CAMK4: variants seen among roughly 807,000 people sequenced by gnomAD.
CAMK4 encodes calcium/calmodulin dependent protein kinase IV, also known as calcium/calmodulin-dependent protein kinase type IV.
CAMK4 carries 22 observed loss-of-function variants against 44.9 expected under a neutral mutation model. The ratio of observed to expected loss-of-function variants is 0.49; its 90% CI spans 0.35 to 0.70. The LOEUF is 0.70. Ranked by LOEUF, CAMK4 falls within the 30% of genes least tolerant of loss-of-function variation. CAMK4 has a pLI of 0.01. For missense variants in CAMK4, 498 were observed against 586.8 expected (o/e 0.85, Z 1.56); for synonymous variants, 218 against 215.4 (o/e 1.01, Z -0.11).
At chr5:111,333,646 G>A (rs757376511) in intron 1 of CAMK4, among the ~76,000 whole-genome samples, 11 of 151,560 alleles carry the variant, frequency 7.3e-5, no homozygotes, top group Non-Finnish European at 1.5e-4. Context: ...CCATATTTAA[G>A]CCAATGCTTA....
chr5:111,450,162 AAAAT>A (rs1754176174), intron 7 of CAMK4, among the ~76,000 whole-genome samples: 1 of 151,860 alleles, frequency 6.6e-6, no homozygotes, highest in Non-Finnish European at 1.5e-5. Context: ...CTACTAAAAA[AAAAT>A]AAATAAAATA....
chr5:111,325,226 A>G (rs941557493), intron 1 of CAMK4, among the ~76,000 whole-genome samples: 10 of 151,772 alleles, frequency 6.6e-5, no homozygotes, highest in Admixed American at 6.6e-5. Flanking sequence ...ATATATATTT[A>G]TATATATGCC....
At chr5:111,318,070 C>T (rs1190474179) in intron 1 of CAMK4, among the ~76,000 whole-genome samples, 1 of 147,700 alleles carries the variant, frequency 6.8e-6, no homozygotes, top group Admixed American at 6.8e-5. Flanking sequence ...CTTTATACCT[C>T]AGCTTTTCAT....
At chr5:111,273,456 T>G (rs1414702096) in intron 1 of CAMK4, among the ~76,000 whole-genome samples, 2 of 151,560 alleles carry the variant, frequency 1.3e-5, no homozygotes, top group African/African-American at 2.4e-5. Context: ...ATACCCAGTC[T>G]TTTATGTATA....
intron 2 of CAMK4, among the ~76,000 whole-genome samples, chr5:111,353,792 G>A (rs914718731): frequency 1.3e-5 from 2 of 152,078 alleles, no homozygotes; most frequent in Non-Finnish European, 2.9e-5. Context: ...TAAATTTAAG[G>A]AGGTGAAAGA....
At chr5:111,273,996 T>C (rs1468935069) in intron 1 of CAMK4, among the ~76,000 whole-genome samples, 2 of 152,026 alleles carry the variant, frequency 1.3e-5, no homozygotes, top group Non-Finnish European at 2.9e-5. Flanking sequence ...AAATTCTTAC[T>C]TGATGGCATC....
intron 1 of CAMK4, among the ~76,000 whole-genome samples, chr5:111,270,650 C>T (rs2112580950): frequency 6.6e-6 from 1 of 152,298 alleles, no homozygotes; most frequent in South Asian, 2.1e-4. Context: ...TCTTAAATTC[C>T]ATGAACCACA....
chr5:111,364,252 T>G (rs1457554494), intron 2 of CAMK4, among the ~76,000 whole-genome samples: 8 of 152,034 alleles, frequency 5.3e-5, no homozygotes, highest in Non-Finnish European at 1.0e-4. Flanking sequence ...GAGATACAGA[T>G]AAAAGAAGCA....
At chr5:111,404,709 A>C (rs1193552169) in intron 5 of CAMK4, among the ~76,000 whole-genome samples, 1 of 152,116 alleles carries the variant, frequency 6.6e-6, no homozygotes, top group Non-Finnish European at 1.5e-5. Flanking sequence ...AAAAGGGAGG[A>C]AGTATAATGA....
Position 111,478,384 on chromosome 5 carries a change from T to A in CAMK4, c.705T>A (p.Leu235=). The part of the protein sequence containing the change: ...WSVGIITYIL[L]CGFEPFYDER... The stretch of plus-strand genomic sequence containing the variant: ...TCTCTATATTTTATTCCTCTAGACT[T>A]TGTGGATTTGAACCATTCTATGATG... The change falls in exon 9 of 11, where the codon CTT becomes CTA. Residue 235 remains leucine (L), a synonymous_variant. Transcript: ENST00000282356. The A allele has an allele frequency of 1.9e-6, 3 of 1,558,622 alleles. No individual in the cohort carries two copies. The highest frequency in any genetic ancestry group is 2.6e-6 in the Non-Finnish European group (3 of 1,138,092).
intron 1 of CAMK4, among the ~76,000 whole-genome samples, chr5:111,287,246 G>C (rs1751274324): frequency 6.6e-6 from 1 of 152,182 alleles, no homozygotes; most frequent in Admixed American, 6.5e-5. Flanking sequence ...TACTGCTTAA[G>C]AGTGTACAGC....
chr5:111,243,048 C>A (rs536338895), intron 1 of CAMK4, among the ~76,000 whole-genome samples: 1 of 152,232 alleles, frequency 6.6e-6, no homozygotes, highest in Admixed American at 6.5e-5. Context: ...TTCCCATGTA[C>A]CTCCACAGTT....
intron 5 of CAMK4, among the ~76,000 whole-genome samples, chr5:111,431,330 C>G (rs1332331394): frequency 2.0e-5 from 3 of 152,146 alleles, no homozygotes; most frequent in Admixed American, 6.5e-5. Flanking sequence ...GAAACTAGAC[C>G]CCTATGTCTT....
intron 1 of CAMK4, among the ~76,000 whole-genome samples, chr5:111,328,972 T>A (rs1650785): frequency 0.42 from 63,540 of 151,540 alleles, 13,851 homozygotes; most frequent in South Asian, 0.56. Flanking sequence ...CGATGCAAAA[T>A]TCCTCAATAA....
At chr5:111,383,928 CTT>C (rs1283041484) in intron 4 of CAMK4, among the ~76,000 whole-genome samples, 1 of 152,068 alleles carries the variant, frequency 6.6e-6, no homozygotes, top group Non-Finnish European at 1.5e-5. Flanking sequence ...GACTCTATGA[CTT>C]TATAAGGAAT....
chr5:111,362,958 C>T (rs1750651918), intron 2 of CAMK4, among the ~76,000 whole-genome samples: 1 of 152,064 alleles, frequency 6.6e-6, no homozygotes, highest in African/African-American at 2.4e-5. Flanking sequence ...CTTTTAATCA[C>T]TCTGGTTGTG....
intron 7 of CAMK4, among the ~76,000 whole-genome samples, chr5:111,467,344 CTTAA>C (rs1210316360): frequency 2.3e-5 from 2 of 88,788 alleles, no homozygotes; most frequent in Non-Finnish European, 4.3e-5. Flanking sequence ...AATAGATGGA[CTTAA>C]TTAAACTAAA....
chr5:111,316,939 T>C (rs1580578554), intron 1 of CAMK4, among the ~76,000 whole-genome samples: 1 of 152,296 alleles, frequency 6.6e-6, no homozygotes, highest in African/African-American at 2.4e-5. Context: ...TTTTTGTAAT[T>C]GTATCCTAAT....
chr5:111,446,896 T>C, intron 6 of CAMK4, 120 bp downstream of exon 6: 1 of 724,862 alleles, frequency 1.4e-6, no homozygotes, highest in Non-Finnish European at 2.5e-6. Context: ...CCTGAATAAT[T>C]GACATCTGTA....
Sources: gnomAD v4.1 joint callset for allele counts (sites outside exome capture counted in the v4.1 genomes callset) on GRCh38, gnomAD v4.1.1 for gene constraint, MANE v1.5 for transcripts, NCBI Gene and HGNC (gene_info 2026-07-23, HGNC 2026-07-21) for gene names.